Variants in XKR6 observed in about 807,000 individuals in gnomAD.
XKR6 encodes the protein XK related 6.
XKR6 carries 22 observed loss-of-function variants against 56.7 expected under a neutral mutation model. That is an observed-to-expected ratio of 0.39 (90% CI 0.28 to 0.55). XKR6 has a LOEUF of 0.55. Among genes scored for constraint, XKR6 ranks in the 20% least tolerant of loss-of-function variants. The pLI is 0.66. For missense variants in XKR6, 852 were observed against 889.0 expected, an observed-to-expected ratio of 0.96 and a Z score of 0.53; for synonymous variants, 524 against 387.8, an observed-to-expected ratio of 1.35 and a Z score of -4.13.
chr8:10,903,246 A>G (rs1161551153), intron 2 of XKR6, among the ~76,000 whole-genome samples: 1 of 152,158 alleles, frequency 6.6e-6, no homozygotes, highest in Non-Finnish European at 1.5e-5. Context: ...TTCCCTGAAC[A>G]AGTCCTGCAG....
At chr8:11,033,253 A>G (rs1274453609) in intron 1 of XKR6, among the ~76,000 whole-genome samples, 2 of 148,248 alleles carry the variant, frequency 1.3e-5, no homozygotes, top group Non-Finnish European at 3.0e-5. Context: ...GACAGTGGAG[A>G]TGCTAATGAT....
rs183322342 is a variant in XKR6, at chr8:11,179,520, A to C, written c.764+21056T>G. Among the ~76,000 whole-genome samples, 123 of 152,282 alleles carry C rather than the reference A, an allele frequency of 8.1e-4. 1 individual carries two copies. In the Middle Eastern group the frequency reaches 0.01, roughly 13 times the overall value. ...ATATGCACATGTGTGTGTGTCCACA[A>C]GTACGTTTCTTTATAGTTACATAGC... On this transcript the variant is annotated intron_variant, in intron 1 of 2. Coordinates refer to ENST00000416569, the MANE Select transcript of XKR6 (RefSeq NM_173683.4).
chr8:11,135,476 G>A (rs935303692), intron 1 of XKR6, among the ~76,000 whole-genome samples: 1 of 152,140 alleles, frequency 6.6e-6, no homozygotes, highest in African/African-American at 2.4e-5. Flanking sequence ...AAATATCATT[G>A]TAACAATTAG....
chr8:11,007,178 G>T (rs2129144700), intron 1 of XKR6, among the ~76,000 whole-genome samples: 2 of 152,276 alleles, frequency 1.3e-5, no homozygotes, highest in South Asian at 4.1e-4. Flanking sequence ...ATGACCATGA[G>T]GGATAGGTCA....
chr8:11,053,341 A>G (rs1370403606), intron 1 of XKR6, among the ~76,000 whole-genome samples: 1 of 152,138 alleles, frequency 6.6e-6, no homozygotes, highest in Non-Finnish European at 1.5e-5. Context: ...ACGCTTAACC[A>G]TCTCCCGTGA....
intron 1 of XKR6, among the ~76,000 whole-genome samples, chr8:10,939,415 G>T (rs376528424): frequency 9.9e-5 from 15 of 152,164 alleles, no homozygotes; most frequent in African/African-American, 3.6e-4. Context: ...AATGGGTGGG[G>T]ATCACCAGGA....
At chr8:10,930,996 C>T (rs1336495294) in intron 1 of XKR6, among the ~76,000 whole-genome samples, 1 of 152,130 alleles carries the variant, frequency 6.6e-6, no homozygotes, top group Non-Finnish European at 1.5e-5. Flanking sequence ...AAAACTGTCC[C>T]TATTTGTAAA....
At chr8:11,066,199 G>A (rs745743580) in intron 1 of XKR6, among the ~76,000 whole-genome samples, 11 of 152,198 alleles carry the variant, frequency 7.2e-5, no homozygotes, top group Non-Finnish European at 1.3e-4. Context: ...GCCCAAGGGA[G>A]GCACATTCCA....
intron 1 of XKR6, among the ~76,000 whole-genome samples, chr8:11,097,342 C>G (rs984619616): frequency 6.6e-6 from 1 of 152,154 alleles, no homozygotes; most frequent in African/African-American, 2.4e-5. Context: ...TGGTACAATG[C>G]AAACATTCCA....
At chr8:10,930,799 T>C (rs981924029) in intron 1 of XKR6, among the ~76,000 whole-genome samples, 2 of 152,198 alleles carry the variant, frequency 1.3e-5, no homozygotes, top group African/African-American at 4.8e-5. Context: ...ATAAAGGGCA[T>C]TTATGGAAAC....
intron 1 of XKR6, among the ~76,000 whole-genome samples, chr8:11,088,200 C>T (rs780090549): frequency 6.6e-6 from 1 of 152,190 alleles, no homozygotes; most frequent in Non-Finnish European, 1.5e-5. Flanking sequence ...AAATCCACAC[C>T]TCTGTATCAC....
chr8:11,013,719 A>T (rs1207719509), intron 1 of XKR6, among the ~76,000 whole-genome samples: 1 of 152,220 alleles, frequency 6.6e-6, no homozygotes, highest in East Asian at 1.9e-4. Flanking sequence ...TTTGGAAACC[A>T]GCACCTTCAT....
At chr8:10,993,847 C>T (rs910083178) in intron 1 of XKR6, among the ~76,000 whole-genome samples, 1 of 152,218 alleles carries the variant, frequency 6.6e-6, no homozygotes, top group African/African-American at 2.4e-5. Context: ...CTACCTCACT[C>T]AGCCTTAGCT....
At chr8:11,160,911 C>CAAAAAAA (rs33931830) in intron 1 of XKR6, among the ~76,000 whole-genome samples, 10 of 63,772 alleles carry the variant, frequency 1.6e-4, no homozygotes, top group African/African-American at 3.9e-4. Context: ...GACTCCGTCT[C>CAAAAAAA]AAAAAAAAAA....
intron 1 of XKR6, among the ~76,000 whole-genome samples, chr8:11,011,686 T>C (rs909675963): frequency 6.6e-6 from 1 of 152,172 alleles, no homozygotes; most frequent in African/African-American, 2.4e-5. Context: ...GGACAGGGAA[T>C]GCCTGGGGAC....
intron 1 of XKR6, chr8:11,138,309 G>T (rs571753560): frequency 1.2e-4 from 19 of 152,684 alleles, no homozygotes; most frequent in Admixed American, 9.1e-4. Flanking sequence ...ACAACTATGA[G>T]TTAGAACCAC....
At chr8:11,085,430 G>A (rs1467495098) in intron 1 of XKR6, among the ~76,000 whole-genome samples, 2 of 151,882 alleles carry the variant, frequency 1.3e-5, no homozygotes, top group Non-Finnish European at 2.9e-5. Flanking sequence ...GCTTGTCAGA[G>A]GTGAAAGAGG....
At chr8:11,113,768 T>C (rs1002804428) in intron 1 of XKR6, 1 of 154,548 alleles carries the variant, frequency 6.5e-6, no homozygotes, top group Admixed American at 6.4e-5. Flanking sequence ...TAAAAAGCCA[T>C]GTTAAAACAG....
At chr8:10,934,844 A>G (rs1307203944) in intron 1 of XKR6, among the ~76,000 whole-genome samples, 6 of 149,528 alleles carry the variant, frequency 4.0e-5, no homozygotes, top group Non-Finnish European at 5.9e-5. Flanking sequence ...CATCAGGGAT[A>G]TTGGTCTAAA....
Sources: gnomAD v4.1 joint callset for allele counts (sites outside exome capture counted in the v4.1 genomes callset) on GRCh38, gnomAD v4.1.1 for gene constraint, MANE v1.5 for transcripts, NCBI Gene and HGNC (gene_info 2026-07-23, HGNC 2026-07-21) for gene names.